DLAT: variants seen among roughly 807,000 people sequenced by gnomAD.
DLAT encodes the protein dihydrolipoamide S-acetyltransferase.
Under a neutral mutation model 68.0 loss-of-function variants are expected in DLAT, and 43 were observed. The observed-to-expected ratio is 0.63, with a 90% confidence interval of 0.50 to 0.81. The LOEUF (loss-of-function observed/expected upper bound fraction) is 0.81, where lower values mean the gene tolerates loss of function less well. Among genes scored for constraint, DLAT ranks in the 40% least tolerant of loss-of-function variants. The pLI is 0.00. For missense variants in DLAT, 745 were observed against 815.4 expected, an observed-to-expected ratio of 0.91 and a Z score of 1.05; for synonymous variants, 265 against 288.6, an observed-to-expected ratio of 0.92 and a Z score of 0.83.
Position 112,027,306 on chromosome 11 carries a change from G to A in DLAT, c.381+1007G>A, listed in dbSNP as rs587680716. ...GCGCTCCTCACATCCCAGACGGGGC[G>A]GCGGGGCAGAGGCGCTCCCCACATC... is the stretch of plus-strand genomic sequence containing the variant. On this transcript the variant is annotated intron_variant, in intron 2 of 13. Transcript: ENST00000280346. 9.7e-3 allele frequency among the ~76,000 whole-genome samples: 1,329 copies of A among 136,864 alleles called. 14 individuals carry two copies. The highest frequency in any genetic ancestry group is 0.044 in the African/African-American group (1,214 of 27,604). The allele number at this position is 136,864 out of a possible 152,430, so 89.8% of individuals were successfully genotyped here.
At chr11:112,052,582 G>A (rs1555182109) in intron 11 of DLAT, among the ~76,000 whole-genome samples, 2 of 152,114 alleles carry the variant, frequency 1.3e-5, no homozygotes, top group Non-Finnish European at 2.9e-5. Flanking sequence ...AGGTGGGGTG[G>A]TGCAGAGCTT....
At position 112,030,141 on chromosome 11, in the gene DLAT, C is replaced by A. The variant is rs182608666; in HGVS notation, c.660+1196C>A. ...ACCATCTCCATTAACAAAATCTCCA[C>A]CCTAAATCATGAAATCCTTTATGAC... On this transcript the variant is annotated intron_variant, in intron 4 of 13. Transcript: ENST00000280346. 263 of 702,596 alleles carry A rather than the reference C, an allele frequency of 3.7e-4. 1 individual carries two copies. The African/African-American group carries it at 4.3e-3, about 12-fold the overall frequency. 43.5% of individuals were successfully genotyped at this position (702,596 alleles called of 1,614,324 possible).
At position 112,037,581 on chromosome 11, in the gene DLAT, T is replaced by C; in HGVS notation, c.975+121T>C. 3 of 970,028 alleles carry C rather than the reference T, an allele frequency of 3.1e-6. No individual in the cohort carries two copies. The South Asian group carries it at 4.2e-5, about 13-fold the overall frequency. 60.1% of individuals were successfully genotyped at this position (970,028 alleles called of 1,614,324 possible). A position where few individuals can be genotyped will look rare whatever the true frequency, so the allele number is the denominator to read the frequency against. Reference sequence around the variant, plus strand: ...AAGATTCTATGACTGAGGAGGGAGATAGTTTATTAACATTTGTGGAGACCT... The same window carrying C: ...AAGATTCTATGACTGAGGAGGGAGACAGTTTATTAACATTTGTGGAGACCT... On this transcript the variant is annotated intron_variant, in intron 6 of 13. Coordinates refer to ENST00000280346, the MANE Select transcript of DLAT (RefSeq NM_001931.5).
chr11:112,037,812 C>T (rs1024893510), intron 6 of DLAT, among the ~76,000 whole-genome samples: 2 of 151,246 alleles, frequency 1.3e-5, no homozygotes, highest in African/African-American at 2.4e-5. Context: ...AGGTCTCACC[C>T]TGTTGCTGAG....
intron 1 of DLAT, 140 bp from the exon 2 acceptor site, chr11:112,026,058 A>G: frequency 1.2e-6 from 1 of 804,010 alleles, no homozygotes; most frequent in Non-Finnish European, 2.1e-6. Flanking sequence ...ATGGACAGGA[A>G]CTCCCTTGGC....
At chr11:112,034,129 G>A (rs937984842) in intron 5 of DLAT, among the ~76,000 whole-genome samples, 3 of 152,154 alleles carry the variant, frequency 2.0e-5, no homozygotes. Context: ...TTATTTTTAG[G>A]CCCAAGTTTG....
intron 4 of DLAT, chr11:112,030,280 C>T (rs782711697): frequency 2.5e-5 from 14 of 559,054 alleles, no homozygotes; most frequent in East Asian, 9.6e-5. Context: ...GCAGAGAGCT[C>T]GATCTTTGTG....
intron 11 of DLAT, among the ~76,000 whole-genome samples, chr11:112,053,646 G>A (rs987232628): frequency 6.6e-6 from 1 of 151,948 alleles, no homozygotes; most frequent in Non-Finnish European, 1.5e-5. Flanking sequence ...GTAGATATGG[G>A]GTTTCACCAT....
chr11:112,045,071 G>A, intron 8 of DLAT, 67 bp from the exon 9 acceptor site: 1 of 1,249,250 alleles, frequency 8.0e-7, no homozygotes, highest in Non-Finnish European at 1.2e-6. Flanking sequence ...GTCACTGGCA[G>A]TCTTTCCCAG....
At chr11:112,029,074 G>T in intron 4 of DLAT, 129 bp downstream of exon 4, 1 of 1,018,806 alleles carries the variant, frequency 9.8e-7, no homozygotes, top group African/African-American at 1.6e-5. Context: ...GAGTATATAG[G>T]TTTAAACATG....
In DLAT at chr11:112,051,319, ATTC is replaced by A; in HGVS notation, c.1490_1492del (p.Ser497del). ...GCATGTTTAAAAGTTCCCGAAGCAA[ATTC>A]TTCTTGGATGGACACAGTTATAAGA... On this transcript the variant is annotated inframe_deletion, in exon 11 of 14. Coordinates refer to ENST00000280346, the MANE Select transcript of DLAT (RefSeq NM_001931.5). The surrounding 1 kb of genome is among the most constrained non-coding windows in gnomAD (Gnocchi z 4.3). The A allele has an allele frequency of 6.2e-7, 1 of 1,613,516 alleles. No individual in the cohort carries two copies. Among genetic ancestry groups the A allele is most frequent in the Non-Finnish European group, 8.5e-7 (1 of 1,179,762 alleles).
chr11:112,054,188 C>T (rs183017569), intron 11 of DLAT, among the ~76,000 whole-genome samples: 70 of 151,380 alleles, frequency 4.6e-4, no homozygotes, highest in Admixed American at 2.4e-3. Flanking sequence ...TGGTGGTGCG[C>T]GCCTGTAGTC....
rs1334404371 is a variant in DLAT, at chr11:112,051,077, G to A, written c.1399-157G>A. The stretch of plus-strand genomic sequence containing the variant: ...AGGAAAAATAGCTGATGCATGTGAG[G>A]CCTAATACCTGGGTGATGGGTTGAC... On this transcript the variant is annotated intron_variant, in intron 10 of 13. Transcript: ENST00000280346. This position sits in a 1 kb window ranked among gnomAD's most constrained non-coding sequence, Gnocchi z 4.3. 6.6e-6 allele frequency among the ~76,000 whole-genome samples: 1 copy of A among 152,158 alleles called. No homozygotes were observed. Among genetic ancestry groups the A allele is most frequent in the Non-Finnish European group, 1.5e-5 (1 of 68,042 alleles).
At chr11:112,030,807 G>T (rs587682465) in intron 4 of DLAT, among the ~76,000 whole-genome samples, 7 of 152,280 alleles carry the variant, frequency 4.6e-5, no homozygotes, top group African/African-American at 1.7e-4. Flanking sequence ...TTTATTTGTA[G>T]AAATTTTTGT....
chr11:112,027,870 AG>A (rs1325964244), intron 2 of DLAT, among the ~76,000 whole-genome samples: 13 of 151,266 alleles, frequency 8.6e-5, no homozygotes, highest in Non-Finnish European at 1.8e-4. Context: ...GCTTCGGCTC[AG>A]CATCAGAGGG....
Position 112,063,173 on chromosome 11 carries a change from T to TA in DLAT, c.*639dup, listed in dbSNP as rs1555183495. ...ATTCCTACACATGGTTATTCCCCCCTACTTGAGATAATCTAAATATAAACC... is the reference window on the plus strand; with the variant it reads ...ATTCCTACACATGGTTATTCCCCCCTAACTTGAGATAATCTAAATATAAACC... On this transcript the variant is annotated 3_prime_UTR_variant, in exon 14 of 14. Coordinates refer to ENST00000280346, the MANE Select transcript of DLAT (RefSeq NM_001931.5). The TA allele has an allele frequency of 6.6e-6, 1 of 152,424 alleles. No individual in the cohort carries two copies. The highest frequency in any genetic ancestry group is 1.5e-5 in the Non-Finnish European group (1 of 68,210). The allele number at this position is 152,424 out of a possible 1,614,324, so 9.4% of individuals were successfully genotyped here. A position where few individuals can be genotyped will look rare whatever the true frequency, so the allele number is the denominator to read the frequency against.
chr11:112,027,172 C>T (rs1305445504), intron 2 of DLAT, among the ~76,000 whole-genome samples: 1 of 151,106 alleles, frequency 6.6e-6, no homozygotes, highest in Non-Finnish European at 1.5e-5. Flanking sequence ...AGGGGCTCCT[C>T]ACTTCTCAGA....
intron 4 of DLAT, 142 bp from the exon 5 acceptor site, chr11:112,033,262 A>C: frequency 1.1e-6 from 1 of 950,796 alleles, no homozygotes; most frequent in Non-Finnish European, 1.6e-6. Flanking sequence ...GTGGGAAGCT[A>C]TTGAGGTGTG....
At chr11:112,028,195 G>C (rs1034434967) in intron 2 of DLAT, among the ~76,000 whole-genome samples, 1 of 152,016 alleles carries the variant, frequency 6.6e-6, no homozygotes, top group African/African-American at 2.4e-5. Context: ...ATCTTCACAT[G>C]AACTGTATAA....
Sources: gnomAD v4.1 joint callset for allele counts (sites outside exome capture counted in the v4.1 genomes callset) on GRCh38, gnomAD v4.1.1 for gene constraint, Gnocchi (gnomAD v3.1) non-coding constraint, MANE v1.5 for transcripts, NCBI Gene and HGNC (gene_info 2026-07-23, HGNC 2026-07-21) for gene names.